BAZ2B: variants seen among roughly 807,000 people sequenced by gnomAD.
The protein encoded by BAZ2B is bromodomain adjacent to zinc finger domain 2B.
A neutral mutation model predicts 246.0 loss-of-function variants in BAZ2B; 91 were observed. The observed-to-expected ratio is 0.37, with a 90% CI of 0.31 to 0.44. The LOEUF (loss-of-function observed/expected upper bound fraction) is 0.44. Ranked by LOEUF, BAZ2B falls within the 20% of genes least tolerant of loss-of-function variation. BAZ2B has a pLI of 1.00. For missense variants in BAZ2B, 2,332 were observed against 2,533.7 expected, an observed-to-expected ratio of 0.92 and a Z score of 1.71; for synonymous variants, 855 against 860.0, an observed-to-expected ratio of 0.99 and a Z score of 0.10.
the BAZ2B span, among the ~76,000 whole-genome samples, chr2:159,649,704 T>C: frequency 8.1e-4 from 124 of 152,338 alleles, no homozygotes; most frequent in Middle Eastern, 0.044. Context: ...TCATGTTTCT[T>C]GGTTTTTGGT....
chr2:159,653,856 G>A, the BAZ2B span, among the ~76,000 whole-genome samples: 2 of 152,094 alleles, frequency 1.3e-5, no homozygotes, highest in Non-Finnish European at 2.9e-5. Flanking sequence ...ACAATATTTG[G>A]TTGAGCCTAT....
At chr2:159,696,817 G>C in the BAZ2B span, among the ~76,000 whole-genome samples, 1 of 152,130 alleles carries the variant, frequency 6.6e-6, no homozygotes, top group Non-Finnish European at 1.5e-5. Flanking sequence ...ACGGAGTCTT[G>C]CTCTGTCACC....
Position 159,432,968 on chromosome 2 carries a change from CCCTT to C in BAZ2B, c.1685_1688del (p.Gln562ArgfsTer10), listed in dbSNP as rs746973525. 6.2e-6 allele frequency: 10 copies of C among 1,614,080 alleles called. No homozygotes were observed. Among genetic ancestry groups the C allele is most frequent in the African/African-American group, 5.3e-5 (4 of 75,008 alleles). On this transcript the variant is annotated frameshift_variant, in exon 9 of 37. Coordinates refer to ENST00000392783, the MANE Select transcript of BAZ2B (RefSeq NM_013450.4). LOFTEE classifies it high-confidence loss of function. ...CATTATTGCTAACTGCTTTTTCCTT[CCCTT>C]GACTATGCAGGATGGGAGAGGCAGA...
the BAZ2B span, among the ~76,000 whole-genome samples, chr2:159,699,700 C>G: frequency 6.6e-6 from 1 of 152,126 alleles, no homozygotes. Flanking sequence ...TTCTTTCTAC[C>G]CATCTGAATC....
At chr2:159,431,180 T>G (rs758839552) in intron 9 of BAZ2B, 24 bp from the exon 10 acceptor site, 1 of 1,582,444 alleles carries the variant, frequency 6.3e-7, no homozygotes, top group Non-Finnish European at 8.6e-7. Flanking sequence ...GAAGCATTTG[T>G]ATATTATAAC....
chr2:159,320,122 ATTCTTCTGATAC>A lies in BAZ2B; in HGVS notation c.*131_*142del. The A allele has an allele frequency of 1.3e-6, 1 of 751,982 alleles. No individual in the cohort carries two copies. Among genetic ancestry groups the A allele is most frequent in the Non-Finnish European group, 1.9e-6 (1 of 524,350 alleles). 46.6% of individuals were successfully genotyped at this position (751,982 alleles called of 1,614,324 possible). On this transcript the variant is annotated 3_prime_UTR_variant, in exon 37 of 37. Coordinates refer to ENST00000392783, the MANE Select transcript of BAZ2B (RefSeq NM_013450.4). ...GAATGAAGCCTTTAAAAATGGTATC[ATTCTTCTGATAC>A]TTTTTTTTTATACTTAAGGAAAAAG...
intron 10 of BAZ2B, among the ~76,000 whole-genome samples, chr2:159,430,066 AC>A (rs1282050012): frequency 6.6e-6 from 1 of 152,144 alleles, no homozygotes; most frequent in Non-Finnish European, 1.5e-5. Flanking sequence ...TAAGAATGCT[AC>A]TCTCTAATAG....
intron 2 of BAZ2B, among the ~76,000 whole-genome samples, chr2:159,505,405 T>C (rs1289884050): frequency 6.6e-6 from 1 of 152,160 alleles, no homozygotes; most frequent in Admixed American, 6.5e-5. Context: ...TCAGAATCTC[T>C]GGGGGTGGGG....
At chr2:159,648,015 T>G in the BAZ2B span, among the ~76,000 whole-genome samples, 1 of 152,212 alleles carries the variant, frequency 6.6e-6, no homozygotes, top group Admixed American at 6.5e-5. Flanking sequence ...AAATGCATAA[T>G]TAGATCATTT....
chr2:159,622,547 C>T, the BAZ2B span, among the ~76,000 whole-genome samples: 1 of 152,062 alleles, frequency 6.6e-6, no homozygotes, highest in Non-Finnish European at 1.5e-5. Context: ...ATAGCCAAAA[C>T]AAAAACACCA....
At chr2:159,602,012 A>G (rs1692275352) in intron 1 of BAZ2B, among the ~76,000 whole-genome samples, 1 of 152,222 alleles carries the variant, frequency 6.6e-6, no homozygotes, top group Non-Finnish European at 1.5e-5. Context: ...ATTAAAAACA[A>G]TAAGAGTAAT....
At position 159,475,554 on chromosome 2, in the gene BAZ2B, C is replaced by T. The variant is rs138070432; in HGVS notation, c.145+3021G>A. ...CCCACCCTCTGAAGCCTACTTCTGT[C>T]AATTCGTCAAACTCATTCTTCATCC... is the stretch of plus-strand genomic sequence containing the variant. On this transcript the variant is annotated intron_variant, in intron 3 of 36. Transcript: ENST00000392783. Among the ~76,000 whole-genome samples, 677 of 152,262 alleles carry T rather than the reference C, an allele frequency of 4.4e-3. 2 individuals are homozygous for T. The highest frequency in any genetic ancestry group is 7.7e-3 in the Non-Finnish European group (527 of 68,012).
intron 2 of BAZ2B, among the ~76,000 whole-genome samples, chr2:159,537,028 TAAATA>T (rs928145762): frequency 2.6e-5 from 4 of 152,024 alleles, no homozygotes; most frequent in Admixed American, 6.6e-5. Context: ...GATGAATGAG[TAAATA>T]AAATATGGCA....
chr2:159,461,437 T>C (rs1377890017), intron 3 of BAZ2B: 2 of 152,628 alleles, frequency 1.3e-5, no homozygotes, highest in Non-Finnish European at 1.5e-5. Context: ...TTTCCTTAAA[T>C]AACAGGTTAC....
intron 34 of BAZ2B, among the ~76,000 whole-genome samples, chr2:159,328,956 C>G (rs558268281): frequency 7.2e-5 from 11 of 152,052 alleles, no homozygotes; most frequent in African/African-American, 2.7e-4. Flanking sequence ...GGCAAAACCC[C>G]ATCTCTACTA....
intron 16 of BAZ2B, among the ~76,000 whole-genome samples, chr2:159,401,474 T>C (rs941443668): frequency 6.6e-6 from 1 of 152,224 alleles, no homozygotes; most frequent in Non-Finnish European, 1.5e-5. Context: ...AGTGACACAA[T>C]TGTAACATTA....
intron 6 of BAZ2B, chr2:159,444,244 T>C (rs533448265): frequency 2.6e-5 from 4 of 152,222 alleles, no homozygotes; most frequent in African/African-American, 7.2e-5. Context: ...ATGACACTGA[T>C]ACCTGTGTCC....
At chr2:159,418,875 T>C (rs1296529267) in intron 13 of BAZ2B, among the ~76,000 whole-genome samples, 1 of 152,180 alleles carries the variant, frequency 6.6e-6, no homozygotes, top group African/African-American at 2.4e-5. Flanking sequence ...GCTCTTCTCA[T>C]ATTTTTCTGG....
chr2:159,389,244 A>T (rs2063033529), intron 21 of BAZ2B, 101 bp downstream of exon 21: 1 of 1,234,102 alleles, frequency 8.1e-7, no homozygotes, highest in Non-Finnish European at 1.1e-6. Context: ...ATAGTTAAAA[A>T]TGAAAGGCTT....
Sources: allele counts gnomAD v4.1 joint callset (sites outside exome capture counted in the v4.1 genomes callset), GRCh38; gene constraint gnomAD v4.1.1; transcripts MANE v1.5; gene names NCBI Gene and HGNC (gene_info 2026-07-23, HGNC 2026-07-21).